SIRT7: variants seen among roughly 807,000 people sequenced by gnomAD.
The protein encoded by SIRT7 is NAD-dependent protein deacetylase sirtuin-7.
SIRT7 carries 32 observed loss-of-function variants against 42.8 expected under a neutral mutation model. That is an observed-to-expected ratio of 0.75 (90% CI 0.56 to 1.00). The LOEUF (loss-of-function observed/expected upper bound fraction) is 1.00. Among genes scored for constraint, SIRT7 ranks in the 50% least tolerant of loss-of-function variants. The pLI is 0.00. For missense variants in SIRT7, 553 were observed against 572.2 expected (o/e 0.97, Z 0.34); for synonymous variants, 297 against 245.2 (o/e 1.21, Z -1.97).
chr17:81,913,168 C>T lies in SIRT7; in HGVS notation c.1005-554G>A, dbSNP rs1483896309. ...TAATGTAAAAAAAAAATACAGTACA[C>T]GATAGCCCACATCACAGAACACCAC... On this transcript the variant is annotated intron_variant, in intron 9 of 9. Transcript: ENST00000328666. This position sits in a 1 kb window ranked among gnomAD's most constrained non-coding sequence, Gnocchi z 5.0. The T allele has an allele frequency of 4.8e-6, 2 of 419,036 alleles. No homozygotes were observed. The highest frequency in any genetic ancestry group is 1.4e-4 in the East Asian group (2 of 14,174). 26.0% of individuals were successfully genotyped at this position (419,036 alleles called of 1,614,324 possible). A position where few individuals can be genotyped will look rare whatever the true frequency, so the allele number is the denominator to read the frequency against.
At position 81,912,360 on chromosome 17, in the gene SIRT7, T is replaced by C. The variant is rs113876228; in HGVS notation, c.*56A>G. ...CTAGACCCGTGGGGGCAACCCAGCC[T>C]TCACCGTGACACTGGCCATCTGCAA... On this transcript the variant is annotated 3_prime_UTR_variant, in exon 10 of 10. Transcript: ENST00000328666. The C allele has an allele frequency of 7.4e-3, 11,936 of 1,607,324 alleles. 731 individuals carry two copies. The African/African-American group carries it at 0.14, about 19-fold the overall frequency.
chr17:81,915,083 A>G, intron 5 of SIRT7: 1 of 484,028 alleles, frequency 2.1e-6, no homozygotes, highest in South Asian at 2.2e-5. Flanking sequence ...CAACCACTAC[A>G]CCCCATTGGT....
Position 81,914,719 on chromosome 17 carries a change from G to T in SIRT7, c.481-17C>A. 2 of 1,606,340 alleles carry T rather than the reference G, an allele frequency of 1.2e-6. No individual in the cohort carries two copies. Among genetic ancestry groups the T allele is most frequent in the Non-Finnish European group, 8.5e-7 (1 of 1,175,510 alleles). On this transcript the variant is annotated splice_polypyrimidine_tract_variant and intron_variant, in intron 5 of 9. Coordinates refer to ENST00000328666, the MANE Select transcript of SIRT7 (RefSeq NM_016538.3). ...ATGCTGCACCTGGAAGGCAGAACGG[G>T]TGGCAAGGGGAGGGATGGCTGCCAG...
Position 81,915,657 on chromosome 17 carries a change from C to G in SIRT7, c.361G>C (p.Gly121Arg). Reference sequence around the variant, plus strand: ...AGCAGTGTCCACACTCCATTAGGGCCCCGGTAGTCTGGGATAGACGCTGCC... The same window carrying G: ...AGCAGTGTCCACACTCCATTAGGGCGCCGGTAGTCTGGGATAGACGCTGCC... ...STAASIPDYR[G>R]PNGVWTLLQK... Residue 121 changes from glycine to arginine, a missense_variant, in exon 4 of 10, where the codon GGC (glycine) becomes CGC (arginine). Physicochemically the swap from Gly to Arg is moderately radical, Grantham distance 125. Coordinates refer to ENST00000328666, the MANE Select transcript of SIRT7 (RefSeq NM_016538.3). The G allele has an allele frequency of 1.2e-6, 2 of 1,613,952 alleles. No homozygotes were observed. Among genetic ancestry groups the G allele is most frequent in the Non-Finnish European group, 8.5e-7 (1 of 1,180,020 alleles).
At position 81,918,156 on chromosome 17, in the gene SIRT7, C is replaced by T. The variant is rs1372559094; in HGVS notation, c.-25G>A. On this transcript the variant is annotated 5_prime_UTR_variant, in exon 1 of 10. Transcript: ENST00000328666. Reference sequence around the variant, plus strand: ...TCGCTCCCCTGGAGACCTGCTCTTCCGCTTCCGCCTCACACGGCAGGCCGC... The same window carrying T: ...TCGCTCCCCTGGAGACCTGCTCTTCTGCTTCCGCCTCACACGGCAGGCCGC... 3 of 1,536,754 alleles carry T rather than the reference C, an allele frequency of 2.0e-6. No homozygotes were observed. Among genetic ancestry groups the T allele is most frequent in the African/African-American group, 1.4e-5 (1 of 70,486 alleles).
rs1421369220 is a variant in SIRT7, at chr17:81,913,917, C to T, written c.898-37G>A. 2.6e-6 allele frequency: 4 copies of T among 1,544,190 alleles called. No individual in the cohort carries two copies. The highest frequency in any genetic ancestry group is 4.9e-5 in the East Asian group (2 of 41,068). ...GAAAGCCGAGTGAGAGTAACAGCAGCCCAACCCTTCCCGGTGGCCTGTCAG... is the reference window on the plus strand; with the variant it reads ...GAAAGCCGAGTGAGAGTAACAGCAGTCCAACCCTTCCCGGTGGCCTGTCAG... On this transcript the variant is annotated intron_variant, in intron 8 of 9. Coordinates refer to ENST00000328666, the MANE Select transcript of SIRT7 (RefSeq NM_016538.3). The surrounding 1 kb of genome is among the most constrained non-coding windows in gnomAD (Gnocchi z 5.0).
chr17:81,913,430 C>A lies in SIRT7; in HGVS notation c.1004+344G>T. 4.5e-6 allele frequency: 2 copies of A among 445,698 alleles called. No homozygotes were observed. Among genetic ancestry groups the A allele is most frequent in the South Asian group, 3.5e-5 (2 of 56,614 alleles). 27.6% of individuals were successfully genotyped at this position (445,698 alleles called of 1,614,324 possible). A position where few individuals can be genotyped will look rare whatever the true frequency, so the allele number is the denominator to read the frequency against. ...ACGCCAACTCCCAAAACCAAGCACACAGATTCTGTCTGACCAGAGCTGCCG... is the reference window on the plus strand; with the variant it reads ...ACGCCAACTCCCAAAACCAAGCACAAAGATTCTGTCTGACCAGAGCTGCCG... On this transcript the variant is annotated intron_variant, in intron 9 of 9. Transcript: ENST00000328666. The surrounding 1 kb of genome is among the most constrained non-coding windows in gnomAD (Gnocchi z 5.0).
chr17:81,915,533 C>T, intron 4 of SIRT7, 21 bp from the exon 5 acceptor site: 1 of 1,613,482 alleles, frequency 6.2e-7, no homozygotes. Context: ...GAAAGGAAGG[C>T]AAGGTGAGGA....
rs199686652 is a variant in SIRT7 at position 81,914,148 on chromosome 17, C to T, written c.836G>A (p.Arg279His). 2.4e-5 allele frequency: 39 copies of T among 1,613,602 alleles called. No individual in the cohort carries two copies. Among genetic ancestry groups the T allele is most frequent in the Non-Finnish European group, 3.1e-5 (36 of 1,180,024 alleles). Residue 279 changes from arginine (R) to histidine (H), a missense_variant, in exon 8 of 10, where the codon CGC (arginine) becomes CAC (histidine). By Grantham distance (29) the Arg-to-His change is conservative. Transcript: ENST00000328666. The stretch of plus-strand genomic sequence containing the variant: ...AGGGGGCTTGGTCATGCACCAGAGG[C>T]GTGGGTACTTCTTTAGAACCTGTGG... ...SSLKVLKKYP[R>H]LWCMTKPPSR...
chr17:81,914,945 G>A, intron 5 of SIRT7: 1 of 565,138 alleles, frequency 1.8e-6, no homozygotes, highest in Non-Finnish European at 3.2e-6. Flanking sequence ...GGAGTGGCTG[G>A]GAGGGCAAGA....
rs756300243 is a variant in SIRT7 at position 81,913,803 on chromosome 17, C to G, written c.975G>C (p.Glu325Asp). The change falls in exon 9 of 10, where the codon GAG (glutamate) becomes GAC (aspartate). Residue 325 changes from glutamate to aspartate, a missense_variant. Physicochemically the swap from Glu to Asp is conservative, Grantham distance 45. Transcript: ENST00000328666. The surrounding 1 kb of genome is among the most constrained non-coding windows in gnomAD (Gnocchi z 5.0). ...CDDVMRLLMA[E>D]LGLEIPAYSR... ...TATAGGCGGGGATCTCCAAGCCCAG[C>G]TCGGCCATGAGGAGCCGCATGACGT... 1 of 1,548,910 alleles carries G rather than the reference C, an allele frequency of 6.5e-7. No individual in the cohort carries two copies. Among genetic ancestry groups the G allele is most frequent in the Admixed American group, 2.0e-5 (1 of 51,008 alleles).
chr17:81,914,025 T>G, intron 8 of SIRT7, 62 bp downstream of exon 8: 2 of 1,595,510 alleles, frequency 1.3e-6, no homozygotes, highest in Non-Finnish European at 1.7e-6. Flanking sequence ...GGGTGTGGGG[T>G]GTCTCTGGCT....
chr17:81,914,192 C>T (rs201808699), intron 7 of SIRT7, 25 bp from the exon 8 acceptor site: 43 of 1,613,358 alleles, frequency 2.7e-5, no homozygotes, highest in Admixed American at 5.0e-5. Flanking sequence ...AGACAGACAC[C>T]GCACACACAC....
Position 81,912,634 on chromosome 17 carries a change from G to GC in SIRT7, c.1005-21dup. The GC allele has an allele frequency of 6.2e-7, 1 of 1,605,152 alleles. No individual in the cohort carries two copies. Among genetic ancestry groups the GC allele is most frequent in the Non-Finnish European group, 8.5e-7 (1 of 1,176,296 alleles). On this transcript the variant is annotated intron_variant, in intron 9 of 9. Coordinates refer to ENST00000328666, the MANE Select transcript of SIRT7 (RefSeq NM_016538.3). ...TGCCACCTGCCAAAAAGGGAAAGCG[G>GC]CATCAGGCGGGCCTGGGAGCCTCTC...
In SIRT7 at chr17:81,917,877, G is replaced by A; in HGVS notation, c.184C>T (p.Gln62Ter). The change falls in exon 2 of 10, where the codon CAG becomes TAG. Residue 62 changes from glutamine (Q) to a stop codon, truncating the protein, a stop_gained. Transcript: ENST00000328666. LOFTEE classifies it high-confidence loss of function. Reference sequence around the variant, plus strand: ...CCCTCGCGCCGCCGGCTCCGGCCCTGCAGCTCCGTTACCAGGTCCGCGCTC... The same window carrying A: ...CCCTCGCGCCGCCGGCTCCGGCCCTACAGCTCCGTTACCAGGTCCGCGCTC... ...AESADLVTEL[Q>*]GRSRRREGLK... The A allele has an allele frequency of 6.9e-7, 1 of 1,440,304 alleles. No homozygotes were observed. Among genetic ancestry groups the A allele is most frequent in the African/African-American group, 1.5e-5 (1 of 67,398 alleles). The allele number at this position is 1,440,304 out of a possible 1,614,324, so 89.2% of individuals were successfully genotyped here.
Position 81,913,938 on chromosome 17 carries a change from G to C in SIRT7, c.898-58C>G. 1 of 1,542,858 alleles carries C rather than the reference G, an allele frequency of 6.5e-7. No homozygotes were observed. The highest frequency in any genetic ancestry group is 1.9e-5 in the Admixed American group (1 of 51,682). On this transcript the variant is annotated intron_variant, in intron 8 of 9. Coordinates refer to ENST00000328666, the MANE Select transcript of SIRT7 (RefSeq NM_016538.3). This position sits in a 1 kb window ranked among gnomAD's most constrained non-coding sequence, Gnocchi z 5.0. Reference sequence around the variant, plus strand: ...GCAGCCCAACCCTTCCCGGTGGCCTGTCAGCCTTGGCCCCTACGGGCTCAG... The same window carrying C: ...GCAGCCCAACCCTTCCCGGTGGCCTCTCAGCCTTGGCCCCTACGGGCTCAG...
chr17:81,913,735 G>A lies in SIRT7; in HGVS notation c.1004+39C>T. 3 of 1,474,974 alleles carry A rather than the reference G, an allele frequency of 2.0e-6. No homozygotes were observed. Among genetic ancestry groups the A allele is most frequent in the Non-Finnish European group, 1.9e-6 (2 of 1,080,042 alleles). The allele number at this position is 1,474,974 out of a possible 1,614,324, so 91.4% of individuals were successfully genotyped here. A position where few individuals can be genotyped will look rare whatever the true frequency, so the allele number is the denominator to read the frequency against. On this transcript the variant is annotated intron_variant, in intron 9 of 9. Coordinates refer to ENST00000328666, the MANE Select transcript of SIRT7 (RefSeq NM_016538.3). This position sits in a 1 kb window ranked among gnomAD's most constrained non-coding sequence, Gnocchi z 5.0. ...GAAGACAGACAAGGCCCAGCACACA[G>A]AGGTGCGGGGAAGCAGGCTGCTGCA...
rs776401605 is a variant in SIRT7 at position 81,917,593 on chromosome 17, A to ACGCCTC, written c.336+16_336+21dup. ...TGGAGCTCATACTCCGTCCTGGGGTACGCCTCCGCCTCCCTCCCTACCGTG... is the reference window on the plus strand; with the variant it reads ...TGGAGCTCATACTCCGTCCTGGGGTACGCCTCCGCCTCCGCCTCCCTCCCTACCGTG... On this transcript the variant is annotated intron_variant, in intron 3 of 9. Coordinates refer to ENST00000328666, the MANE Select transcript of SIRT7 (RefSeq NM_016538.3). 4.4e-6 allele frequency: 7 copies of ACGCCTC among 1,578,834 alleles called. No homozygotes were observed. The South Asian group carries it at 8.0e-5, about 18-fold the overall frequency.
intron 3 of SIRT7, chr17:81,916,059 C>T (rs1015149835): frequency 8.2e-5 from 24 of 293,592 alleles, no homozygotes; most frequent in Admixed American, 1.7e-4. Flanking sequence ...ACAGCTCACA[C>T]ATTTAGCAAA....
Sources: gnomAD v4.1 joint callset for allele counts on GRCh38, gnomAD v4.1.1 for gene constraint, Gnocchi (gnomAD v3.1) non-coding constraint, MANE v1.5 for transcripts, NCBI Gene and HGNC (gene_info 2026-07-23, HGNC 2026-07-21) for gene names.